Variants in ZNF407 observed in about 807,000 individuals in gnomAD.
ZNF407 encodes the protein zinc finger protein 407.
A neutral mutation model predicts 131.2 loss-of-function variants in ZNF407; 17 were observed. That is an observed-to-expected ratio of 0.13 (90% CI 0.09 to 0.19). ZNF407 has a LOEUF of 0.19. Among genes scored for constraint, ZNF407 ranks in the 10% least tolerant of loss-of-function variants. The pLI is 1.00. For missense variants in ZNF407, 2,681 were observed against 2,830.6 expected (o/e 0.95, Z 1.20); for synonymous variants, 1,156 against 1,062.0 (o/e 1.09, Z -1.72).
chr18:74,657,824 A>G (rs1328000916), intron 3 of ZNF407, among the ~76,000 whole-genome samples: 1 of 151,966 alleles, frequency 6.6e-6, no homozygotes, highest in Non-Finnish European at 1.5e-5. Context: ...GGAGTCAGGG[A>G]GTGTCCCTGG....
intron 4 of ZNF407, among the ~76,000 whole-genome samples, chr18:74,811,148 A>G (rs949426248): frequency 1.3e-5 from 2 of 151,978 alleles, no homozygotes; most frequent in African/African-American, 4.8e-5. Context: ...TAATATCCAG[A>G]ATCTACAATG....
chr18:74,798,209 A>AACACAAACACAC (rs1555689648), intron 4 of ZNF407, among the ~76,000 whole-genome samples: 1 of 147,836 alleles, frequency 6.8e-6, no homozygotes, highest in Non-Finnish European at 1.5e-5. Flanking sequence ...CCTTTACACA[A>AACACAAACACAC]ACACACACAC....
At chr18:75,045,416 A>G (rs1458541697) in intron 8 of ZNF407, among the ~76,000 whole-genome samples, 1 of 152,132 alleles carries the variant, frequency 6.6e-6, no homozygotes, top group African/African-American at 2.4e-5. Flanking sequence ...CAGCAAAACA[A>G]TTGTCAAGTC....
chr18:74,918,841 C>A (rs775004430), intron 7 of ZNF407, among the ~76,000 whole-genome samples: 1 of 152,008 alleles, frequency 6.6e-6, no homozygotes, highest in Non-Finnish European at 1.5e-5. Context: ...TAATGTATTT[C>A]TTTCTAGTCT....
chr18:74,918,110 G>T (rs1971797330), intron 7 of ZNF407, among the ~76,000 whole-genome samples: 1 of 152,140 alleles, frequency 6.6e-6, no homozygotes, highest in African/African-American at 2.4e-5. Flanking sequence ...GTCACCTTCA[G>T]ATGTTTTCCT....
chr18:74,849,194 T>C (rs1970746709), intron 4 of ZNF407, among the ~76,000 whole-genome samples: 1 of 151,674 alleles, frequency 6.6e-6, no homozygotes. Context: ...TTCTCCTGCC[T>C]CAGCCTCCCA....
At chr18:74,832,146 C>T (rs916815534) in intron 4 of ZNF407, among the ~76,000 whole-genome samples, 3 of 152,274 alleles carry the variant, frequency 2.0e-5, no homozygotes, top group African/African-American at 7.2e-5. Context: ...CACCTTGAGG[C>T]ATGATTTTCC....
At chr18:74,690,451 G>GT (rs113247514) in intron 3 of ZNF407, among the ~76,000 whole-genome samples, 60,486 of 150,070 alleles carry the variant, frequency 0.4, 14,328 homozygotes, top group East Asian at 0.63. Flanking sequence ...TTTTTTTGGG[G>GT]GTTTTTTTTG....
intron 4 of ZNF407, among the ~76,000 whole-genome samples, chr18:74,805,682 T>C (rs560546688): frequency 6.6e-6 from 1 of 152,326 alleles, no homozygotes; most frequent in East Asian, 1.9e-4. Context: ...TGCTGTTTGA[T>C]CATTGTTAGG....
intron 4 of ZNF407, among the ~76,000 whole-genome samples, chr18:74,829,457 G>C (rs1223811280): frequency 2.6e-5 from 4 of 152,136 alleles, no homozygotes; most frequent in African/African-American, 9.7e-5. Context: ...GCAACTCCTG[G>C]ATCTCGATTT....
intron 4 of ZNF407, among the ~76,000 whole-genome samples, chr18:74,819,468 C>A (rs1454599366): frequency 6.6e-6 from 1 of 152,144 alleles, no homozygotes; most frequent in Non-Finnish European, 1.5e-5. Context: ...GCATACAAGG[C>A]CTACATGATC....
At chr18:74,854,706 A>G (rs191505746) in intron 4 of ZNF407, among the ~76,000 whole-genome samples, 1 of 152,218 alleles carries the variant, frequency 6.6e-6, no homozygotes. Context: ...TACACACCCA[A>G]TGCACTACAC....
At chr18:74,999,818 G>A (rs112081573) in intron 8 of ZNF407, among the ~76,000 whole-genome samples, 2,316 of 152,148 alleles carry the variant, frequency 0.015, 64 homozygotes, top group African/African-American at 0.052. Context: ...ACTTTATTTT[G>A]CAACTTTAAT....
rs947150688 is a variant in ZNF407, at chr18:74,703,435, C to T, written c.4802+62313C>T. The stretch of plus-strand genomic sequence containing the variant: ...AGGCTGGAGTGCAATGGTGCAATCT[C>T]GGCTCACCGCAACCTCCACCTTCTG... On this transcript the variant is annotated intron_variant, in intron 3 of 8. Transcript: ENST00000299687. The surrounding 1 kb of genome is among the most constrained non-coding windows in gnomAD (Gnocchi z 4.1). Among the ~76,000 whole-genome samples, 3 of 152,238 alleles carry T rather than the reference C, an allele frequency of 2.0e-5. No homozygotes were observed. The highest frequency in any genetic ancestry group is 2.1e-4 in the South Asian group (1 of 4,822).
At position 74,935,420 on chromosome 18, in the gene ZNF407, G is replaced by A. The variant is rs562693299; in HGVS notation, c.5428+14728G>A. Among the ~76,000 whole-genome samples the A allele has an allele frequency of 6.6e-5, 10 of 152,216 alleles. No homozygotes were observed. In the South Asian group the frequency reaches 1.7e-3, roughly 25 times the overall value. On this transcript the variant is annotated intron_variant, in intron 8 of 8. Coordinates refer to ENST00000299687, the MANE Select transcript of ZNF407 (RefSeq NM_017757.3). ...CTTGGTGTTTTACAAATAAACCACC[G>A]ACAGGATTAGGCTTTTTTAGATTAA...
intron 3 of ZNF407, among the ~76,000 whole-genome samples, chr18:74,724,725 A>G (rs1968117320): frequency 6.6e-6 from 1 of 152,180 alleles, no homozygotes; most frequent in African/African-American, 2.4e-5. Flanking sequence ...ATGACAGTTT[A>G]TGACCATTTC....
intron 8 of ZNF407, among the ~76,000 whole-genome samples, chr18:74,934,584 G>A (rs1030555360): frequency 6.6e-6 from 1 of 152,188 alleles, no homozygotes; most frequent in Non-Finnish European, 1.5e-5. Flanking sequence ...CAAGGCGGGT[G>A]GATCACCTGA....
chr18:74,657,536 C>T, intron 3 of ZNF407, among the ~76,000 whole-genome samples: 1 of 152,176 alleles, frequency 6.6e-6, no homozygotes, highest in Non-Finnish European at 1.5e-5. Context: ...TGTAGCCCTG[C>T]TGTTGTGTAC....
At chr18:74,935,499 T>TC (rs970076066) in intron 8 of ZNF407, among the ~76,000 whole-genome samples, 4 of 152,140 alleles carry the variant, frequency 2.6e-5, no homozygotes, top group Non-Finnish European at 2.9e-5. Context: ...CCAGATAGAA[T>TC]CCCCCTCATG....
Sources: gnomAD v4.1 joint callset for allele counts (sites outside exome capture counted in the v4.1 genomes callset) on GRCh38, gnomAD v4.1.1 for gene constraint, Gnocchi (gnomAD v3.1) non-coding constraint, MANE v1.5 for transcripts, NCBI Gene and HGNC (gene_info 2026-07-23, HGNC 2026-07-21) for gene names.